TRAPPC9: variants seen among roughly 807,000 people sequenced by gnomAD.
TRAPPC9 encodes trafficking protein particle complex subunit 9.
A neutral mutation model predicts 124.0 loss-of-function variants in TRAPPC9; 83 were observed. The observed-to-expected ratio is 0.67, with a 90% CI of 0.56 to 0.80. The LOEUF is 0.80. Ranked by LOEUF, TRAPPC9 falls within the 30% of genes least tolerant of loss-of-function variation. The probability of loss-of-function intolerance (pLI) is 0.00; values close to 1 mark genes in which losing one functional copy is unlikely to be tolerated. For missense variants in TRAPPC9, 1,302 were observed against 1,508.3 expected, an observed-to-expected ratio of 0.86 and a Z score of 2.27; for synonymous variants, 638 against 617.5, an observed-to-expected ratio of 1.03 and a Z score of -0.49.
At chr8:140,067,570 G>T (rs1283135669) in intron 17 of TRAPPC9, among the ~76,000 whole-genome samples, 1 of 152,198 alleles carries the variant, frequency 6.6e-6, no homozygotes, top group Non-Finnish European at 1.5e-5. Flanking sequence ...GTCCCTGGTT[G>T]CATCTAAGCA....
At chr8:139,739,501 C>T (rs1042127408) in intron 21 of TRAPPC9, among the ~76,000 whole-genome samples, 1 of 152,254 alleles carries the variant, frequency 6.6e-6, no homozygotes, top group Admixed American at 6.5e-5. Flanking sequence ...AGCCCGTCTC[C>T]CGGGCTGTGT....
chr8:140,330,638 A>T lies in TRAPPC9; in HGVS notation c.1496-19264T>A, dbSNP rs147944413. Among the ~76,000 whole-genome samples the T allele has an allele frequency of 1.2e-3, 177 of 152,338 alleles. 1 individual carries two copies. Among genetic ancestry groups the T allele is most frequent in the Non-Finnish European group, 1.9e-3 (129 of 68,024 alleles). On this transcript the variant is annotated intron_variant, in intron 9 of 22. Transcript: ENST00000438773. ...TAAACCATCAGGTCACTATAAAAACATCTATTTCAAGCACTGCCTAGAAAA... is the reference window on the plus strand; with the variant it reads ...TAAACCATCAGGTCACTATAAAAACTTCTATTTCAAGCACTGCCTAGAAAA...
At chr8:139,830,956 C>T (rs73364148) in intron 21 of TRAPPC9, among the ~76,000 whole-genome samples, 2,328 of 152,338 alleles carry the variant, frequency 0.015, 52 homozygotes, top group African/African-American at 0.053. Flanking sequence ...CATCGCTGGC[C>T]GCGCTGACTG....
At chr8:140,440,410 G>C (rs2070971313) in intron 2 of TRAPPC9, among the ~76,000 whole-genome samples, 1 of 152,136 alleles carries the variant, frequency 6.6e-6, no homozygotes. Flanking sequence ...AGGAGGCTGA[G>C]GCAGGAGAAT....
At chr8:139,883,791 G>A (rs749452675) in intron 21 of TRAPPC9, among the ~76,000 whole-genome samples, 1 of 152,238 alleles carries the variant, frequency 6.6e-6, no homozygotes, top group African/African-American at 2.4e-5. Flanking sequence ...GCTGGTAGAG[G>A]CCTGGTGGCC....
intron 16 of TRAPPC9, among the ~76,000 whole-genome samples, chr8:140,228,103 A>G (rs538837179): frequency 1.1e-4 from 16 of 152,360 alleles, no homozygotes; most frequent in African/African-American, 3.8e-4. Context: ...CAGTGGTGGG[A>G]TCTATGCAGG....
chr8:140,223,838 CT>C (rs2131335971), intron 16 of TRAPPC9, among the ~76,000 whole-genome samples: 1 of 152,068 alleles, frequency 6.6e-6, no homozygotes, highest in East Asian at 1.9e-4. Context: ...CAATATTCAA[CT>C]GGGTAAAGAA....
In TRAPPC9 at chr8:140,216,249, G is replaced by A. The variant is rs981725740; in HGVS notation, c.2556+5210C>T. 1.3e-5 allele frequency among the ~76,000 whole-genome samples: 2 copies of A among 151,982 alleles called. No individual in the cohort carries two copies. The highest frequency in any genetic ancestry group is 4.8e-5 in the African/African-American group (2 of 41,378). ...GATATGCAAGAGTTCCTCGGTAAAC[G>A]GTAATGATATTTTAATCATTACATT... is the stretch of plus-strand genomic sequence containing the variant. On this transcript the variant is annotated intron_variant, in intron 17 of 22. Coordinates refer to ENST00000438773, the MANE Select transcript of TRAPPC9 (RefSeq NM_001160372.4). This position sits in a 1 kb window ranked among gnomAD's most constrained non-coding sequence, Gnocchi z 4.1.
At chr8:140,068,692 G>A (rs1436868398) in intron 17 of TRAPPC9, among the ~76,000 whole-genome samples, 1 of 152,142 alleles carries the variant, frequency 6.6e-6, no homozygotes, top group Non-Finnish European at 1.5e-5. Context: ...GTATTTTGCA[G>A]GCCACAATCA....
intron 2 of TRAPPC9, among the ~76,000 whole-genome samples, chr8:140,450,000 ATAGTT>A (rs1460880450): frequency 5.9e-5 from 9 of 152,274 alleles, no homozygotes; most frequent in Non-Finnish European, 1.2e-4. Context: ...TTTTTAAAAT[ATAGTT>A]TATTTAACCT....
chr8:140,086,151 G>A lies in TRAPPC9; in HGVS notation c.2557-62072C>T, dbSNP rs148393444. ...AAAGCCTAACCAGGGCTTGGATCGT[G>A]TGCTGGAGAGCGGGTATGGTGTGGG... is the stretch of plus-strand genomic sequence containing the variant. On this transcript the variant is annotated intron_variant, in intron 17 of 22. Coordinates refer to ENST00000438773, the MANE Select transcript of TRAPPC9 (RefSeq NM_001160372.4). 2.6e-5 allele frequency among the ~76,000 whole-genome samples: 4 copies of A among 152,322 alleles called. No homozygotes were observed. In the East Asian group the frequency reaches 7.7e-4, roughly 29 times the overall value.
chr8:140,249,887 C>T lies in TRAPPC9; in HGVS notation c.2431+2890G>A, dbSNP rs568772997. Among the ~76,000 whole-genome samples, 14 of 152,232 alleles carry T rather than the reference C, an allele frequency of 9.2e-5. No homozygotes were observed. In the South Asian group the frequency reaches 1.7e-3, roughly 18 times the overall value. ...CCTCCCAAAGTGCTGGGATTACAGG[C>T]GTGAGCCACCGTGCCTGGCCTGATC... is the stretch of plus-strand genomic sequence containing the variant. On this transcript the variant is annotated intron_variant, in intron 16 of 22. Transcript: ENST00000438773.
In TRAPPC9 at chr8:140,432,109, C is replaced by T. The variant is rs573549596; in HGVS notation, c.859+3003G>A. Among the ~76,000 whole-genome samples the T allele has an allele frequency of 2.0e-5, 3 of 152,218 alleles. No homozygotes were observed. The South Asian group carries it at 6.2e-4, about 32-fold the overall frequency. ...CAAATGAAGGAAGCCTTGTCTAAGT[C>T]TTCTTTCACCAACAGGGAAATTAGG... On this transcript the variant is annotated intron_variant, in intron 4 of 22. Transcript: ENST00000438773.
chr8:140,159,498 A>G (rs572317933), intron 17 of TRAPPC9, among the ~76,000 whole-genome samples: 4 of 152,276 alleles, frequency 2.6e-5, no homozygotes, highest in African/African-American at 9.6e-5. Context: ...CCTCCAAATC[A>G]TGTCCACAAA....
intron 21 of TRAPPC9, among the ~76,000 whole-genome samples, chr8:139,790,233 T>G (rs931078629): frequency 3.3e-5 from 5 of 152,226 alleles, no homozygotes; most frequent in African/African-American, 1.2e-4. Flanking sequence ...AAAGATAAGT[T>G]TAGCCCTGTT....
At chr8:140,045,263 G>A (rs1053815498) in intron 17 of TRAPPC9, among the ~76,000 whole-genome samples, 1 of 152,182 alleles carries the variant, frequency 6.6e-6, no homozygotes, top group African/African-American at 2.4e-5. Context: ...TACACGAAGC[G>A]AGGATGGTGG....
intron 21 of TRAPPC9, among the ~76,000 whole-genome samples, chr8:139,745,496 C>T (rs920833252): frequency 6.6e-6 from 1 of 152,246 alleles, no homozygotes; most frequent in Non-Finnish European, 1.5e-5. Flanking sequence ...GGCTCCAGCT[C>T]AGCTCCGCCT....
chr8:140,048,995 G>A (rs1435374404), intron 17 of TRAPPC9, among the ~76,000 whole-genome samples: 1 of 152,154 alleles, frequency 6.6e-6, no homozygotes, highest in Non-Finnish European at 1.5e-5. Flanking sequence ...AGAAGCTGAG[G>A]CGGAAGGAAG....
At chr8:140,231,229 C>A (rs1300919621) in intron 16 of TRAPPC9, among the ~76,000 whole-genome samples, 1 of 152,208 alleles carries the variant, frequency 6.6e-6, no homozygotes, top group Non-Finnish European at 1.5e-5. Context: ...GGACACGCCT[C>A]CGAGGCCAGC....
Sources: gnomAD v4.1 joint callset for allele counts (sites outside exome capture counted in the v4.1 genomes callset) on GRCh38, gnomAD v4.1.1 for gene constraint, Gnocchi (gnomAD v3.1) non-coding constraint, MANE v1.5 for transcripts, NCBI Gene and HGNC (gene_info 2026-07-23, HGNC 2026-07-21) for gene names.